Variants in ARNT observed in about 807,000 individuals in gnomAD.
ARNT encodes aryl hydrocarbon receptor nuclear translocator, also known as class E basic helix-loop-helix protein 2.
ARNT carries 30 observed loss-of-function variants against 105.0 expected under a neutral mutation model. That is an observed-to-expected ratio of 0.29 (90% CI 0.21 to 0.39). ARNT has a LOEUF of 0.39. Ranked by LOEUF, ARNT falls within the 10% of genes least tolerant of loss-of-function variation. The pLI is 1.00. For synonymous variants in ARNT, 304 were observed against 344.0 expected, an observed-to-expected ratio of 0.88 and a Z score of 1.29; for missense variants, 748 against 978.7, an observed-to-expected ratio of 0.76 and a Z score of 3.15.
chr1:150,840,249 AC>A, intron 5 of ARNT, among the ~76,000 whole-genome samples: 1 of 148,666 alleles, frequency 6.7e-6, no homozygotes, highest in East Asian at 1.9e-4. Flanking sequence ...TCAAAAAAAA[AC>A]AAAAAACAAA....
intron 8 of ARNT, 107 bp downstream of exon 8, chr1:150,834,431 G>C (rs950891374): frequency 6.3e-6 from 7 of 1,105,550 alleles, no homozygotes; most frequent in Admixed American, 3.8e-5. Flanking sequence ...GGTATGGAGA[G>C]TTAAATTTAA....
intron 2 of ARNT, among the ~76,000 whole-genome samples, chr1:150,856,256 G>A (rs963160212): frequency 1.4e-4 from 22 of 151,962 alleles, no homozygotes; most frequent in Non-Finnish European, 1.0e-4. Flanking sequence ...TGGCTAACAC[G>A]GTGAAACCCC....
At chr1:150,849,355 A>G (rs886561345) in intron 3 of ARNT, among the ~76,000 whole-genome samples, 1 of 152,230 alleles carries the variant, frequency 6.6e-6, no homozygotes, top group Non-Finnish European at 1.5e-5. Context: ...CTCTGGAAAG[A>G]AAAAAAGCAG....
chr1:150,839,632 G>T lies in ARNT; in HGVS notation c.295C>A (p.Arg99=), dbSNP rs1271141043. The T allele has an allele frequency of 1.2e-6, 2 of 1,613,838 alleles. No individual in the cohort carries two copies. ...GCTGTCATCTTGTTCCGTCGCCGCC[G>T]TTCAATTTCACTGTGATTTTCCCTG... ...LARENHSEIE[R]RRRNKMTAYI... Residue 99 remains arginine, a synonymous_variant, in exon 6 of 22, where the codon CGG becomes AGG. Coordinates refer to ENST00000358595, the MANE Select transcript of ARNT (RefSeq NM_001668.4).
chr1:150,868,069 A>G (rs1051820977), intron 1 of ARNT, among the ~76,000 whole-genome samples: 7 of 152,086 alleles, frequency 4.6e-5, no homozygotes, highest in African/African-American at 1.7e-4. Flanking sequence ...TACCAAGTGA[A>G]TGTCAAATTG....
intron 20 of ARNT, among the ~76,000 whole-genome samples, 183 bp downstream of exon 20, chr1:150,813,894 G>T (rs1443737088): frequency 1.3e-5 from 2 of 152,116 alleles, no homozygotes; most frequent in African/African-American, 4.8e-5. Flanking sequence ...CCAAAGTGCT[G>T]GTATTACAGG....
chr1:150,833,371 C>T (rs1313455281), intron 8 of ARNT, among the ~76,000 whole-genome samples: 1 of 151,860 alleles, frequency 6.6e-6, no homozygotes, highest in East Asian at 1.9e-4. Context: ...GCTGTGGTGG[C>T]AATCCAGCTA....
At chr1:150,866,996 G>A (rs113151660) in intron 1 of ARNT, among the ~76,000 whole-genome samples, 10 of 152,104 alleles carry the variant, frequency 6.6e-5, no homozygotes, top group African/African-American at 1.7e-4. Context: ...ACTTGAGGAC[G>A]GGAGTTCAAG....
intron 5 of ARNT, among the ~76,000 whole-genome samples, chr1:150,840,437 C>T (rs1035252362): frequency 1.3e-5 from 2 of 152,114 alleles, no homozygotes; most frequent in Non-Finnish European, 2.9e-5. Context: ...ATAGCTGATA[C>T]AAGAATTGAT....
chr1:150,816,247 G>GAT lies in ARNT; in HGVS notation c.1950+10_1950+11dup. On this transcript the variant is annotated intron_variant, in intron 19 of 21. Transcript: ENST00000358595. ...AATAATACACAGGGAACACACAGATGATAAGTTTTACCTGGGCAGAAAAGC... is the reference window on the plus strand; with the variant it reads ...AATAATACACAGGGAACACACAGATGATATAAGTTTTACCTGGGCAGAAAAGC... 6.3e-7 allele frequency: 1 copy of GAT among 1,595,174 alleles called. No individual in the cohort carries two copies. The highest frequency in any genetic ancestry group is 8.5e-7 in the Non-Finnish European group (1 of 1,174,588).
At chr1:150,848,494 C>T (rs1205746383) in intron 3 of ARNT, among the ~76,000 whole-genome samples, 1 of 151,580 alleles carries the variant, frequency 6.6e-6, no homozygotes, top group Admixed American at 6.6e-5. Flanking sequence ...CAAAGTAAAA[C>T]GAAGATGTGC....
rs1654595376 is a variant in ARNT, at chr1:150,810,837, A to T, written c.*1184T>A. 4.5e-6 allele frequency: 1 copy of T among 222,918 alleles called. No individual in the cohort carries two copies. The highest frequency in any genetic ancestry group is 2.2e-5 in the African/African-American group (1 of 44,816). The allele number at this position is 222,918 out of a possible 1,614,324, so 13.8% of individuals were successfully genotyped here. A position where few individuals can be genotyped will look rare whatever the true frequency, so the allele number is the denominator to read the frequency against. On this transcript the variant is annotated 3_prime_UTR_variant, in exon 22 of 22. Transcript: ENST00000358595. ...CCCAATCTCAAGATTGGAGGGAGCA[A>T]AGAGGAAAAACCTCTTAGGGCCAGA...
intron 10 of ARNT, among the ~76,000 whole-genome samples, chr1:150,830,973 A>G (rs10305708): frequency 3.9e-5 from 6 of 152,180 alleles, no homozygotes; most frequent in African/African-American, 9.7e-5. Flanking sequence ...GTTACCTGCC[A>G]TATGCCAGGC....
At chr1:150,870,012 C>G (rs943686842) in intron 1 of ARNT, among the ~76,000 whole-genome samples, 1 of 152,130 alleles carries the variant, frequency 6.6e-6, no homozygotes. Flanking sequence ...ATCCATTGTA[C>G]TATATTTCAG....
Position 150,829,627 on chromosome 1 carries a change from G to A in ARNT, c.1032+277C>T. The A allele has an allele frequency of 1.4e-5, 8 of 561,958 alleles. No homozygotes were observed. In the South Asian group the frequency reaches 1.5e-4, roughly 10 times the overall value. 34.8% of individuals were successfully genotyped at this position (561,958 alleles called of 1,614,324 possible). The stretch of plus-strand genomic sequence containing the variant: ...CAATGAAAAGGATCTTTCTTCTTTT[G>A]TATAGGGGCAAAGGAAATTAACTGG... On this transcript the variant is annotated intron_variant, in intron 11 of 21. Transcript: ENST00000358595.
intron 1 of ARNT, among the ~76,000 whole-genome samples, chr1:150,864,770 AAATAAAT>A (rs1557960704): frequency 1.3e-4 from 10 of 79,380 alleles, no homozygotes; most frequent in African/African-American, 5.2e-4. Flanking sequence ...AATAAAAAAT[AAATAAAT>A]AAATAAATAA....
At chr1:150,846,222 T>C (rs978363252) in intron 4 of ARNT, 41 bp downstream of exon 4, 1 of 1,539,272 alleles carries the variant, frequency 6.5e-7, no homozygotes, top group African/African-American at 1.4e-5. Flanking sequence ...ACAACATGGA[T>C]CATATTATAT....
chr1:150,820,209 T>C (rs1656764276), intron 14 of ARNT, among the ~76,000 whole-genome samples: 1 of 152,178 alleles, frequency 6.6e-6, no homozygotes, highest in Admixed American at 6.5e-5. Flanking sequence ...TAGCCCCACT[T>C]ATAGAAAGAG....
At position 150,829,075 on chromosome 1, in the gene ARNT, G is replaced by A; in HGVS notation, c.1167+18C>T. On this transcript the variant is annotated intron_variant, in intron 12 of 21. Transcript: ENST00000358595. Reference sequence around the variant, plus strand: ...AGCCAAAGGAAAATGGAGGCCTAATGGAGCTCCAGCTCCTCACCTGTGGCT... The same window carrying A: ...AGCCAAAGGAAAATGGAGGCCTAATAGAGCTCCAGCTCCTCACCTGTGGCT... The A allele has an allele frequency of 1.9e-6, 3 of 1,613,306 alleles. No homozygotes were observed. Among genetic ancestry groups the A allele is most frequent in the Non-Finnish European group, 2.5e-6 (3 of 1,179,568 alleles).
Sources: allele counts gnomAD v4.1 joint callset (sites outside exome capture counted in the v4.1 genomes callset), GRCh38; gene constraint gnomAD v4.1.1; transcripts MANE v1.5; gene names NCBI Gene and HGNC (gene_info 2026-07-23, HGNC 2026-07-21).